Variants in PLXNA4 observed in about 807,000 individuals in gnomAD.
The protein encoded by PLXNA4 is plexin A4, also known as plexin-A4.
Under a neutral mutation model 191.8 loss-of-function variants are expected in PLXNA4, and 44 were observed. That is an observed-to-expected ratio of 0.23 (90% CI 0.18 to 0.29). The LOEUF (loss-of-function observed/expected upper bound fraction) is 0.29, where lower values mean the gene tolerates loss of function less well. Among genes scored for constraint, PLXNA4 ranks in the 10% least tolerant of loss-of-function variants. The pLI, the probability that PLXNA4 is intolerant of heterozygous loss-of-function variation, is 1.00. For missense variants in PLXNA4, 1,800 were observed against 2,488.8 expected (o/e 0.72, Z 5.89); for synonymous variants, 1,082 against 1,009.5 (o/e 1.07, Z -1.36).
At chr7:132,279,969 T>C (rs566136538) in intron 4 of PLXNA4, among the ~76,000 whole-genome samples, 50 of 152,320 alleles carry the variant, frequency 3.3e-4, no homozygotes, top group Non-Finnish European at 6.0e-4. Context: ...AGAGATATGT[T>C]TTACATTGCA....
At chr7:132,484,815 T>G in intron 3 of PLXNA4, 1 of 1,613,966 alleles carries the variant, frequency 6.2e-7, no homozygotes, top group South Asian at 1.1e-5. Flanking sequence ...CCAGAGTAAT[T>G]TTAGGAAGAA....
intron 1 of PLXNA4, among the ~76,000 whole-genome samples, chr7:132,560,697 C>T (rs77011517): frequency 1.2e-4 from 18 of 152,112 alleles, no homozygotes; most frequent in African/African-American, 3.6e-4. Context: ...ACCACTCCCC[C>T]GACAGCCTGC....
chr7:132,594,859 G>A (rs1380476104), intron 2 of PLXNA4, among the ~76,000 whole-genome samples: 1 of 152,020 alleles, frequency 6.6e-6, no homozygotes, highest in Non-Finnish European at 1.5e-5. Context: ...AGAAAGTATG[G>A]AGATTTCTGG....
rs1419212239 is a variant in PLXNA4, at chr7:132,189,012, GAGAGAGAGAGAGAGAGAA to G, written c.2857-1423_2857-1406del. On this transcript the variant is annotated intron_variant, in intron 14 of 31. Transcript: ENST00000321063. ...AGGAAAGGAGAGAGAGAGAGAGAGAGAGAGAGAGAGAGAGAGAAAGAGAGAGAGAGAGAGAGAGAGAGA... is the reference window on the plus strand; with the variant it reads ...AGGAAAGGAGAGAGAGAGAGAGAGAGAGAGAGAGAGAGAGAGAGAGAGAGA... 6.3e-3 allele frequency among the ~76,000 whole-genome samples: 364 copies of G among 57,942 alleles called. 4 individuals carry two copies. Among genetic ancestry groups the G allele is most frequent in the East Asian group, 0.034 (66 of 1,936 alleles). 38.0% of individuals were successfully genotyped at this position (57,942 alleles called of 152,430 possible).
intron 4 of PLXNA4, among the ~76,000 whole-genome samples, chr7:132,295,097 A>G (rs1297464159): frequency 1.3e-5 from 2 of 152,216 alleles, no homozygotes; most frequent in East Asian, 3.8e-4. Flanking sequence ...TTAAGTTTGA[A>G]CTTTGTAATA....
rs1314965565 is a variant in PLXNA4 at position 132,180,575 on chromosome 7, G to A, written c.3639+11C>T. On this transcript the variant is annotated intron_variant, in intron 19 of 31. Coordinates refer to ENST00000321063, the MANE Select transcript of PLXNA4 (RefSeq NM_020911.2). Reference sequence around the variant, plus strand: ...CCCGCTCCATCCAGGATGGGGTTCTGCCAGCCTCACCATCACTTTGTGCCT... The same window carrying A: ...CCCGCTCCATCCAGGATGGGGTTCTACCAGCCTCACCATCACTTTGTGCCT... 1 of 1,614,072 alleles carries A rather than the reference G, an allele frequency of 6.2e-7. No individual in the cohort carries two copies. Among genetic ancestry groups the A allele is most frequent in the African/African-American group, 1.3e-5 (1 of 75,028 alleles).
chr7:132,226,128 G>A, intron 8 of PLXNA4, 33 bp downstream of exon 8: 3 of 1,573,668 alleles, frequency 1.9e-6, no homozygotes, highest in Non-Finnish European at 2.6e-6. Context: ...TTGACCCCAG[G>A]AACGGGAAGT....
At chr7:132,533,016 C>T (rs1432992420) in intron 1 of PLXNA4, among the ~76,000 whole-genome samples, 1 of 152,198 alleles carries the variant, frequency 6.6e-6, no homozygotes, top group African/African-American at 2.4e-5. Flanking sequence ...TGGTTGCCAC[C>T]ACCACAAATC....
chr7:132,423,872 C>T (rs1794941063), intron 3 of PLXNA4, among the ~76,000 whole-genome samples: 1 of 152,202 alleles, frequency 6.6e-6, no homozygotes. Context: ...ACTACAGCCA[C>T]CACCATCGGG....
At chr7:132,563,168 TCTC>T (rs1371773524) in intron 1 of PLXNA4, among the ~76,000 whole-genome samples, 1 of 47,742 alleles carries the variant, frequency 2.1e-5, no homozygotes, top group East Asian at 8.4e-4. Flanking sequence ...TCCTCCTCCT[TCTC>T]CTCCTCCTTC....
chr7:132,226,917 T>A (rs1798343995), intron 7 of PLXNA4, among the ~76,000 whole-genome samples: 1 of 152,218 alleles, frequency 6.6e-6, no homozygotes, highest in African/African-American at 2.4e-5. Flanking sequence ...CAACATGGAA[T>A]CAATCTGCCC....
intron 21 of PLXNA4, among the ~76,000 whole-genome samples, chr7:132,170,747 C>T (rs1252556527): frequency 1.3e-5 from 2 of 152,208 alleles, no homozygotes; most frequent in Non-Finnish European, 2.9e-5. Flanking sequence ...CACAGAAGGG[C>T]TGTCATTGAA....
intron 1 of PLXNA4, among the ~76,000 whole-genome samples, chr7:132,512,709 C>T (rs915051256): frequency 1.3e-5 from 2 of 152,082 alleles, no homozygotes; most frequent in African/African-American, 4.8e-5. Flanking sequence ...GAGCCACCAG[C>T]CCCCTGTCTC....
chr7:132,507,633 G>C lies in PLXNA4; in HGVS notation c.1061C>G (p.Ala354Gly), dbSNP rs759805870. 6.8e-6 allele frequency: 11 copies of C among 1,614,088 alleles called. No individual in the cohort carries two copies. The East Asian group carries it at 2.5e-4, about 36-fold the overall frequency. Residue 354 changes from alanine (A) to glycine (G), a missense_variant, in exon 2 of 32, where the codon GCC becomes GGC. Ala to Gly is a moderately conservative substitution (Grantham distance 60, BLOSUM62 0). This residue lies in a region of PLXNA4 where 1,397 missense variants were observed against 1,880.4 expected (regional missense o/e 0.74). Transcript: ENST00000321063. ...KRKMKSLDES[A>G]LCIFILKQIN... ...CTGCTTCAAGATGAAGATGCACAGG[G>C]CCGACTCATCCAGGGATTTCATTTT...
At chr7:132,156,277 T>C (rs959781431) in intron 25 of PLXNA4, among the ~76,000 whole-genome samples, 1 of 152,028 alleles carries the variant, frequency 6.6e-6, no homozygotes, top group Non-Finnish European at 1.5e-5. Context: ...TGCACAAGTC[T>C]GGCGAGGGAG....
intron 3 of PLXNA4, among the ~76,000 whole-genome samples, chr7:132,396,949 GC>G (rs1212738946): frequency 1.3e-5 from 2 of 152,220 alleles, no homozygotes; most frequent in African/African-American, 4.8e-5. Flanking sequence ...GGGCGGCCCT[GC>G]CCCACACCTG....
chr7:132,218,843 T>C (rs1798052352), intron 9 of PLXNA4, among the ~76,000 whole-genome samples: 1 of 152,214 alleles, frequency 6.6e-6, no homozygotes, highest in Non-Finnish European at 1.5e-5. Flanking sequence ...ACAACATATG[T>C]TATTGGGCAT....
intron 1 of PLXNA4, among the ~76,000 whole-genome samples, chr7:132,532,409 C>A (rs148293126): frequency 3.7e-4 from 56 of 152,236 alleles, no homozygotes; most frequent in African/African-American, 1.2e-3. Flanking sequence ...GGTACAAATG[C>A]GTTGATGCAG....
intron 15 of PLXNA4, 66 bp downstream of exon 15, chr7:132,187,405 C>A: frequency 6.4e-7 from 1 of 1,553,988 alleles, no homozygotes; most frequent in Admixed American, 1.9e-5. Flanking sequence ...ACAAAGCTAC[C>A]CTGAAGTCAT....
Sources: gnomAD v4.1 joint callset for allele counts (sites outside exome capture counted in the v4.1 genomes callset) on GRCh38, gnomAD v4.1.1 for gene constraint, gnomAD v4.1.1 regional missense constraint, MANE v1.5 for transcripts, NCBI Gene and HGNC (gene_info 2026-07-23, HGNC 2026-07-21) for gene names.